The following EPB41L5 variants were observed in gnomAD, a reference collection of about 807,000 sequenced individuals.
EPB41L5 encodes erythrocyte membrane protein band 4.1 like 5, also known as band 4.1-like protein 5.
A neutral mutation model predicts 106.6 loss-of-function variants in EPB41L5; 55 were observed. The ratio of observed to expected loss-of-function variants is 0.52; its 90% confidence interval spans 0.42 to 0.65. The LOEUF (loss-of-function observed/expected upper bound fraction) is 0.65, where lower values mean the gene tolerates loss of function less well. Among genes scored for constraint, EPB41L5 ranks in the 30% least tolerant of loss-of-function variants. EPB41L5 has a pLI of 0.00. For synonymous variants in EPB41L5, 297 were observed against 306.7 expected (o/e 0.97, Z 0.33); for missense variants, 871 against 882.1 (o/e 0.99, Z 0.16).
intron 14 of EPB41L5, among the ~76,000 whole-genome samples, chr2:120,099,467 G>A (rs1224077096): frequency 5.3e-5 from 8 of 150,966 alleles, no homozygotes; most frequent in South Asian, 2.1e-4. Flanking sequence ...TCGCCCTGTC[G>A]CCCAGGCCGG....
In EPB41L5 at chr2:120,050,310, A is replaced by G. The variant is rs549570216; in HGVS notation, c.285+8200A>G. 2.5e-4 allele frequency among the ~76,000 whole-genome samples: 38 copies of G among 152,232 alleles called. No individual in the cohort carries two copies. In the South Asian group the frequency reaches 2.9e-3, roughly 12 times the overall value. ...TCACTTTCAGGTACACCAATCAGAC[A>G]TAGATTTGGTCTTTTCATGTAGTCC... On this transcript the variant is annotated intron_variant, in intron 3 of 24. Transcript: ENST00000263713.
At chr2:120,139,295 G>A (rs1373440055) in intron 18 of EPB41L5, among the ~76,000 whole-genome samples, 2 of 151,932 alleles carry the variant, frequency 1.3e-5, no homozygotes, top group Non-Finnish European at 2.9e-5. Flanking sequence ...TATCCCAAAA[G>A]CATAGGCAAC....
chr2:120,165,824 C>G (rs1284520206), intron 22 of EPB41L5, among the ~76,000 whole-genome samples: 1 of 151,796 alleles, frequency 6.6e-6, no homozygotes, highest in Non-Finnish European at 1.5e-5. Flanking sequence ...AAAAATTAGC[C>G]GGGGGTGGTG....
At chr2:120,078,127 A>AT (rs1682385472) in intron 9 of EPB41L5, among the ~76,000 whole-genome samples, 2 of 152,304 alleles carry the variant, frequency 1.3e-5, no homozygotes, top group African/African-American at 4.8e-5. Context: ...ATGACACAAG[A>AT]TTTGGGTGTA....
At chr2:120,099,780 C>G (rs1289168179) in intron 14 of EPB41L5, among the ~76,000 whole-genome samples, 1 of 152,134 alleles carries the variant, frequency 6.6e-6, no homozygotes, top group Non-Finnish European at 1.5e-5. Context: ...AAGGTGTACA[C>G]AGAGAAGTTT....
At chr2:120,161,798 A>C (rs1229918158) in intron 21 of EPB41L5, among the ~76,000 whole-genome samples, 1 of 152,070 alleles carries the variant, frequency 6.6e-6, no homozygotes, top group African/African-American at 2.4e-5. Flanking sequence ...TAGGAGTGCA[A>C]ACCCTACTGT....
chr2:120,031,240 A>G (rs528161143), intron 2 of EPB41L5, among the ~76,000 whole-genome samples: 1 of 152,354 alleles, frequency 6.6e-6, no homozygotes, highest in East Asian at 1.9e-4. Flanking sequence ...ATAAAACTCC[A>G]GTCTCCCACA....
chr2:120,104,017 C>A, intron 16 of EPB41L5: 1 of 1,480,324 alleles, frequency 6.8e-7, no homozygotes, highest in Non-Finnish European at 8.9e-7. Context: ...TCTCCTATTC[C>A]TATTGACTAA....
At chr2:120,092,685 C>T (rs755271211) in intron 13 of EPB41L5, among the ~76,000 whole-genome samples, 78 of 152,036 alleles carry the variant, frequency 5.1e-4, no homozygotes, top group Non-Finnish European at 9.3e-4. Context: ...ATGATTTATA[C>T]TCATAAGTTT....
Position 120,068,332 on chromosome 2 carries a change from T to G in EPB41L5, c.286-4846T>G, listed in dbSNP as rs140268562. On this transcript the variant is annotated intron_variant, in intron 3 of 24. Coordinates refer to ENST00000263713, the MANE Select transcript of EPB41L5 (RefSeq NM_020909.4). The stretch of plus-strand genomic sequence containing the variant: ...TGCCTACGCCACAAGGGCCCTGGGT[T>G]TCAAGCACAAAACTGGGTGGCCGTT... Among the ~76,000 whole-genome samples the G allele has an allele frequency of 8.4e-3, 1,286 of 152,292 alleles. 19 individuals carry two copies. The highest frequency in any genetic ancestry group is 0.029 in the African/African-American group (1,220 of 41,562).
rs180694161 is a variant in EPB41L5, at chr2:120,077,975, A to G, written c.715-518A>G. 1.1e-3 allele frequency among the ~76,000 whole-genome samples: 168 copies of G among 152,212 alleles called. 2 individuals carry two copies. Among genetic ancestry groups the G allele is most frequent in the Admixed American group, 9.2e-3 (140 of 15,266 alleles). ...ATGGCTGGCAGGAGGGAGAGAGAGCAAAGAGGGAGGTGCTACACACTTTCA... is the reference window on the plus strand; with the variant it reads ...ATGGCTGGCAGGAGGGAGAGAGAGCGAAGAGGGAGGTGCTACACACTTTCA... On this transcript the variant is annotated intron_variant, in intron 9 of 24. Coordinates refer to ENST00000263713, the MANE Select transcript of EPB41L5 (RefSeq NM_020909.4).
At chr2:120,121,364 C>T (rs747549627) in intron 16 of EPB41L5, among the ~76,000 whole-genome samples, 22 of 152,108 alleles carry the variant, frequency 1.4e-4, no homozygotes, top group Non-Finnish European at 2.8e-4. Context: ...CTCCCCCTCC[C>T]GACAGGCCCC....
At chr2:120,047,651 A>C (rs1195585810) in intron 3 of EPB41L5, among the ~76,000 whole-genome samples, 1 of 152,028 alleles carries the variant, frequency 6.6e-6, no homozygotes, top group East Asian at 1.9e-4. Context: ...AATAGCCTTT[A>C]TTTCTTTCTC....
chr2:120,083,516 C>T (rs1046187541), intron 10 of EPB41L5, among the ~76,000 whole-genome samples: 33 of 152,274 alleles, frequency 2.2e-4, no homozygotes, highest in African/African-American at 7.5e-4. Context: ...GAGTGTTTTA[C>T]TTCCAACTAT....
chr2:120,100,185 A>C, intron 14 of EPB41L5, 59 bp from the exon 15 acceptor site: 1 of 1,352,030 alleles, frequency 7.4e-7, no homozygotes, highest in East Asian at 2.3e-5. Context: ...GTTATCTTAC[A>C]AAATGAAGTC....
chr2:120,161,195 TGGC>T (rs1687128922), intron 21 of EPB41L5, among the ~76,000 whole-genome samples: 1 of 151,986 alleles, frequency 6.6e-6, no homozygotes, highest in Non-Finnish European at 1.5e-5. Context: ...CTGGGCAACA[TGGC>T]AAAACCTGTC....
Position 120,177,140 on chromosome 2 carries a change from T to C in EPB41L5, c.*2233T>C, listed in dbSNP as rs919869167. On this transcript the variant is annotated 3_prime_UTR_variant, in exon 25 of 25. Transcript: ENST00000263713. ...ATGCGCAGAGCTGCTGTAACAGCTC[T>C]TCCTGTTCTGCTCCCCTGAGAACAG... 1.1e-4 allele frequency: 17 copies of C among 152,270 alleles called. No homozygotes were observed. The highest frequency in any genetic ancestry group is 1.1e-3 in the Admixed American group (17 of 15,274). 9.4% of individuals were successfully genotyped at this position (152,270 alleles called of 1,614,324 possible).
At chr2:120,093,200 T>C (rs374572546) in intron 13 of EPB41L5, 49 bp from the exon 14 acceptor site, 104 of 1,518,972 alleles carry the variant, frequency 6.8e-5, no homozygotes, top group Admixed American at 6.7e-5. Context: ...TGCAGCAGTT[T>C]ATCATGTAAG....
At chr2:120,086,697 C>T (rs1331907433) in intron 10 of EPB41L5, among the ~76,000 whole-genome samples, 1 of 152,150 alleles carries the variant, frequency 6.6e-6, no homozygotes, top group Non-Finnish European at 1.5e-5. Flanking sequence ...GCTGTGAACA[C>T]ACTACTGCAG....
Sources: gnomAD v4.1 joint callset for allele counts (sites outside exome capture counted in the v4.1 genomes callset) on GRCh38, gnomAD v4.1.1 for gene constraint, MANE v1.5 for transcripts, NCBI Gene and HGNC (gene_info 2026-07-23, HGNC 2026-07-21) for gene names.